Variants in MTHFD1L observed in about 807,000 individuals in gnomAD.
The protein encoded by MTHFD1L is monofunctional C1-tetrahydrofolate synthase, mitochondrial.
A neutral mutation model predicts 119.5 loss-of-function variants in MTHFD1L; 81 were observed. The ratio of observed to expected loss-of-function variants is 0.68; its 90% CI spans 0.57 to 0.82. MTHFD1L has a LOEUF of 0.82. Ranked by LOEUF, MTHFD1L falls within the 40% of genes least tolerant of loss-of-function variation. The probability of loss-of-function intolerance (pLI) is 0.00; values close to 1 mark genes in which losing one functional copy is unlikely to be tolerated. For synonymous variants in MTHFD1L, 430 were observed against 475.2 expected, an observed-to-expected ratio of 0.90 and a Z score of 1.24; for missense variants, 1,125 against 1,253.4, an observed-to-expected ratio of 0.90 and a Z score of 1.55.
chr6:150,965,043 T>G lies in MTHFD1L; in HGVS notation c.2013+6T>G. 2 of 1,613,148 alleles carry G rather than the reference T, an allele frequency of 1.2e-6. No homozygotes were observed. Among genetic ancestry groups the G allele is most frequent in the Non-Finnish European group, 1.7e-6 (2 of 1,179,196 alleles). ...ACCTGATGCAGACCCTGGAAGTAAGTGGTTTTCTTCTTATAGTAATTGTTT... is the reference window on the plus strand; with the variant it reads ...ACCTGATGCAGACCCTGGAAGTAAGGGGTTTTCTTCTTATAGTAATTGTTT... On this transcript the variant is annotated splice_donor_region_variant and intron_variant, in intron 19 of 27. Coordinates refer to ENST00000367321, the MANE Select transcript of MTHFD1L (RefSeq NM_015440.5).
chr6:150,975,234 G>A (rs994155000), intron 20 of MTHFD1L, among the ~76,000 whole-genome samples: 1 of 152,146 alleles, frequency 6.6e-6, no homozygotes, highest in Non-Finnish European at 1.5e-5. Context: ...AATATGTGAT[G>A]GCAATGACTT....
intron 20 of MTHFD1L, among the ~76,000 whole-genome samples, chr6:151,006,563 G>A (rs1407272026): frequency 6.6e-6 from 1 of 152,086 alleles, no homozygotes; most frequent in African/African-American, 2.4e-5. Flanking sequence ...AAGGGGGGAG[G>A]AGCTAGGTTT....
intron 11 of MTHFD1L, among the ~76,000 whole-genome samples, chr6:150,936,063 G>A (rs1007227954): frequency 3.3e-5 from 5 of 152,256 alleles, no homozygotes; most frequent in Non-Finnish European, 2.9e-5. Flanking sequence ...AGAAGTTTCC[G>A]CCATAGTATG....
At chr6:150,974,223 G>C (rs886741272) in intron 20 of MTHFD1L, among the ~76,000 whole-genome samples, 4 of 152,174 alleles carry the variant, frequency 2.6e-5, no homozygotes, top group African/African-American at 9.7e-5. Flanking sequence ...CCTCTCGAAA[G>C]GACTTGGTAG....
At chr6:150,905,798 G>A (rs751701953) in intron 8 of MTHFD1L, 37 bp downstream of exon 8, 13 of 1,446,344 alleles carry the variant, frequency 9.0e-6, no homozygotes, top group Non-Finnish European at 1.1e-5. Flanking sequence ...CCACTGATTA[G>A]GTCAGATAGT....
chr6:151,068,232 A>T (rs1006549302), intron 26 of MTHFD1L, among the ~76,000 whole-genome samples: 2 of 152,264 alleles, frequency 1.3e-5, no homozygotes, highest in African/African-American at 4.8e-5. Flanking sequence ...ATCTGTAGCA[A>T]CAAGGGCCTG....
In MTHFD1L at chr6:150,903,804, A is replaced by G. The variant is rs535338832; in HGVS notation, c.781-1846A>G. On this transcript the variant is annotated intron_variant, in intron 7 of 27. Transcript: ENST00000367321. ...TAATACAGTAGATTCATACAGCCAG[A>G]AGCTGAAAAGCAGGGAATACTGTTT... Among the ~76,000 whole-genome samples the G allele has an allele frequency of 2.0e-5, 3 of 152,354 alleles. No individual in the cohort carries two copies. The East Asian group carries it at 5.8e-4, about 29-fold the overall frequency.
At chr6:150,991,635 G>A (rs1237407136) in intron 20 of MTHFD1L, among the ~76,000 whole-genome samples, 3 of 152,118 alleles carry the variant, frequency 2.0e-5, no homozygotes, top group South Asian at 4.1e-4. Flanking sequence ...AATTACATTC[G>A]AGGCAGAGAG....
intron 21 of MTHFD1L, among the ~76,000 whole-genome samples, chr6:151,013,026 C>T (rs748319608): frequency 6.6e-6 from 1 of 152,156 alleles, no homozygotes; most frequent in Non-Finnish European, 1.5e-5. Flanking sequence ...CACAGAAACA[C>T]GCAAAATAAT....
intron 27 of MTHFD1L, among the ~76,000 whole-genome samples, chr6:151,098,891 A>G (rs1021969799): frequency 3.3e-5 from 5 of 152,110 alleles, no homozygotes; most frequent in Non-Finnish European, 7.4e-5. Context: ...ATGTGGGACC[A>G]CAGGCCAGGC....
At chr6:150,937,568 G>A (rs1287424732) in intron 12 of MTHFD1L, among the ~76,000 whole-genome samples, 1 of 152,164 alleles carries the variant, frequency 6.6e-6, no homozygotes, top group Non-Finnish European at 1.5e-5. Context: ...TTGTATTACT[G>A]TTAAACATAT....
chr6:151,013,899 C>A, intron 22 of MTHFD1L, 79 bp downstream of exon 22: 1 of 1,205,698 alleles, frequency 8.3e-7, no homozygotes, highest in Non-Finnish European at 1.2e-6. Flanking sequence ...AATGAGCCCT[C>A]CTTCAGTGGC....
chr6:151,015,039 T>C (rs1782829610), intron 23 of MTHFD1L, 59 bp downstream of exon 23: 1 of 1,374,388 alleles, frequency 7.3e-7, no homozygotes, highest in Non-Finnish European at 1.0e-6. Flanking sequence ...CTGTGAACGA[T>C]ATTTGTGTCT....
At chr6:151,100,025 CTTTCT>C (rs1795237696) in intron 27 of MTHFD1L, 1 of 641,878 alleles carries the variant, frequency 1.6e-6, no homozygotes, top group Non-Finnish European at 2.6e-6. Flanking sequence ...GAAATATTTT[CTTTCT>C]TTTCTTTTTT....
At chr6:150,946,839 G>A (rs1255083223) in intron 15 of MTHFD1L, among the ~76,000 whole-genome samples, 1 of 151,976 alleles carries the variant, frequency 6.6e-6, no homozygotes, top group East Asian at 2.0e-4. Flanking sequence ...ACTTTGGGAG[G>A]CCGAGGCAGG....
chr6:150,941,961 A>G (rs1044540327), intron 13 of MTHFD1L, among the ~76,000 whole-genome samples: 12 of 152,240 alleles, frequency 7.9e-5, no homozygotes, highest in African/African-American at 2.9e-4. Flanking sequence ...ATAAATCTAC[A>G]TTAAAACCAC....
intron 27 of MTHFD1L, chr6:151,099,759 G>A (rs916650151): frequency 9.3e-6 from 15 of 1,609,110 alleles, no homozygotes; most frequent in African/African-American, 1.3e-5. Flanking sequence ...GGAAGTTCCT[G>A]GTCCACAACG....
At chr6:151,071,223 T>C (rs959478054) in intron 26 of MTHFD1L, among the ~76,000 whole-genome samples, 10 of 151,806 alleles carry the variant, frequency 6.6e-5, no homozygotes, top group Non-Finnish European at 1.5e-4. Flanking sequence ...GTGATGGAGA[T>C]AGAAAGAGGG....
At chr6:151,069,278 T>TCC (rs1554297624) in intron 26 of MTHFD1L, among the ~76,000 whole-genome samples, 8 of 150,916 alleles carry the variant, frequency 5.3e-5, no homozygotes, top group African/African-American at 1.2e-4. Flanking sequence ...TCTCTCTCTC[T>TCC]CTCCCTCCCT....
Sources: allele counts gnomAD v4.1 joint callset (sites outside exome capture counted in the v4.1 genomes callset), GRCh38; gene constraint gnomAD v4.1.1; transcripts MANE v1.5; gene names NCBI Gene and HGNC (gene_info 2026-07-23, HGNC 2026-07-21).